Variants in CEP57L1 observed in about 807,000 individuals in gnomAD.
CEP57L1 encodes the protein centrosomal protein 57 like 1.
A neutral mutation model predicts 61.0 loss-of-function variants in CEP57L1; 37 were observed. That is an observed-to-expected ratio of 0.61 (90% CI 0.47 to 0.80). The LOEUF (loss-of-function observed/expected upper bound fraction) is 0.80, where lower values mean the gene tolerates loss of function less well. Among genes scored for constraint, CEP57L1 ranks in the 30% least tolerant of loss-of-function variants. CEP57L1 has a pLI of 0.00. For synonymous variants in CEP57L1, 137 were observed against 162.3 expected (o/e 0.84, Z 1.19); for missense variants, 422 against 524.7 (o/e 0.80, Z 1.91).
intron 1 of CEP57L1, among the ~76,000 whole-genome samples, chr6:109,135,101 G>A (rs1266061817): frequency 2.0e-5 from 3 of 151,998 alleles, no homozygotes; most frequent in Non-Finnish European, 1.5e-5. Flanking sequence ...AGCCCGCATC[G>A]CCAAGTCAAT....
intron 7 of CEP57L1, chr6:109,158,161 T>C (rs1044311852): frequency 6.5e-6 from 1 of 153,588 alleles, no homozygotes; most frequent in African/African-American, 2.4e-5. Flanking sequence ...TTCCGCATTA[T>C]GGATGTACCA....
Position 109,146,797 on chromosome 6 carries a change from A to G in CEP57L1, c.200A>G (p.His67Arg), listed in dbSNP as rs368851323. Residue 67 changes from histidine (H) to arginine (R), a missense_variant, in exon 3 of 11, where the codon CAT becomes CGT. Physicochemically the swap from His to Arg is conservative, Grantham distance 29. Coordinates refer to ENST00000517392, the MANE Select transcript of CEP57L1 (RefSeq NM_001271852.3). ...LALKTLQEKI[H>R]RLELERTQAE... Reference sequence around the variant, plus strand: ...TTAAAAACTCTTCAGGAAAAAATTCATCGTTTAGAGCTGGAGAGAACACAA... The same window carrying G: ...TTAAAAACTCTTCAGGAAAAAATTCGTCGTTTAGAGCTGGAGAGAACACAA... The G allele has an allele frequency of 1.9e-6, 3 of 1,588,232 alleles. No homozygotes were observed. Among genetic ancestry groups the G allele is most frequent in the African/African-American group, 2.7e-5 (2 of 73,006 alleles).
chr6:109,147,686 G>A (rs1248145369), intron 3 of CEP57L1, among the ~76,000 whole-genome samples: 1 of 152,158 alleles, frequency 6.6e-6, no homozygotes, highest in South Asian at 2.1e-4. Context: ...TTCTGCTGTG[G>A]AATTAACTGT....
At chr6:109,127,353 A>AT (rs1773676314) in intron 1 of CEP57L1, among the ~76,000 whole-genome samples, 1 of 151,952 alleles carries the variant, frequency 6.6e-6, no homozygotes, top group Non-Finnish European at 1.5e-5. Context: ...TCTCCATCTC[A>AT]TCGTCTTGTG....
intron 1 of CEP57L1, among the ~76,000 whole-genome samples, chr6:109,141,792 T>G (rs1771414317): frequency 6.6e-6 from 1 of 152,120 alleles, no homozygotes. Flanking sequence ...AGCCTTACTG[T>G]GTTTGCTCTT....
At position 109,170,109 on chromosome 6, in the gene CEP57L1, G is replaced by A. The variant is rs1026603045; in HGVS notation, c.*7139G>A. ...ACTCTGCTCTGGACAATGGTCAGAA[G>A]GTAGGAAGAAGTGTTATAGGGTAAT... On this transcript the variant is annotated 3_prime_UTR_variant, in exon 11 of 11. Coordinates refer to ENST00000517392, the MANE Select transcript of CEP57L1 (RefSeq NM_001271852.3). Among the ~76,000 whole-genome samples, 9 of 152,130 alleles carry A rather than the reference G, an allele frequency of 5.9e-5. No individual in the cohort carries two copies. The highest frequency in any genetic ancestry group is 1.9e-4 in the African/African-American group (8 of 41,430).
upstream of CEP57L1, chr6:109,095,289 A>C (rs1218058688): frequency 2.0e-6 from 2 of 985,808 alleles, no homozygotes; most frequent in Non-Finnish European, 2.4e-6. Flanking sequence ...CGTCACACAT[A>C]AAACAAGCAC....
At chr6:109,132,027 T>C (rs184660159) in intron 1 of CEP57L1, among the ~76,000 whole-genome samples, 34 of 152,320 alleles carry the variant, frequency 2.2e-4, no homozygotes, top group Admixed American at 2.0e-3. Flanking sequence ...TTGGTTTTGA[T>C]TGGAGTACAC....
At chr6:109,107,717 G>T (rs1771099594) in intron 1 of CEP57L1, among the ~76,000 whole-genome samples, 1 of 152,070 alleles carries the variant, frequency 6.6e-6, no homozygotes, top group Admixed American at 6.5e-5. Context: ...AAGGTAGGTG[G>T]ATCACTTGAG....
rs148542729 is a variant in CEP57L1, at chr6:109,145,277, G to A, written c.56G>A (p.Arg19Lys). The stretch of plus-strand genomic sequence containing the variant: ...GGAAGCTATCATAAACCTCCAGAAA[G>A]AGTATTTGTTCCCTCATTCACCCAG... The part of the protein sequence containing the change: ...IVGSYHKPPE[R>K]VFVPSFTQNE... The change falls in exon 2 of 11, where the codon AGA becomes AAA. Residue 19 changes from arginine (R) to lysine (K), a missense_variant. Physicochemically the swap from Arg to Lys is conservative, Grantham distance 26. Transcript: ENST00000517392. 621 of 1,606,478 alleles carry A rather than the reference G, an allele frequency of 3.9e-4. 1 individual carries two copies. The highest frequency in any genetic ancestry group is 5.0e-4 in the Non-Finnish European group (585 of 1,174,224).
chr6:109,134,784 G>C (rs1400271517), intron 1 of CEP57L1, among the ~76,000 whole-genome samples: 3 of 151,968 alleles, frequency 2.0e-5, no homozygotes, highest in South Asian at 2.1e-4. Context: ...CAAACAGAGA[G>C]CCAAATCATG....
intron 1 of CEP57L1, among the ~76,000 whole-genome samples, chr6:109,101,570 A>G (rs1782402773): frequency 6.6e-6 from 1 of 151,380 alleles, no homozygotes; most frequent in Non-Finnish European, 1.5e-5. Context: ...ATCTCAGGTA[A>G]CCCTATGTTT....
chr6:109,111,554 A>T (rs549665949), intron 1 of CEP57L1, among the ~76,000 whole-genome samples: 1 of 152,164 alleles, frequency 6.6e-6, no homozygotes, highest in Non-Finnish European at 1.5e-5. Context: ...AACTTCCAAT[A>T]CTATGTTGGA....
intron 1 of CEP57L1, among the ~76,000 whole-genome samples, chr6:109,139,208 C>T (rs1054836866): frequency 2.6e-5 from 4 of 152,222 alleles, no homozygotes; most frequent in African/African-American, 9.6e-5. Flanking sequence ...AGATGATTCA[C>T]ATCCTGGGCA....
intron 10 of CEP57L1, among the ~76,000 whole-genome samples, chr6:109,161,425 C>T (rs1773707491): frequency 6.6e-6 from 1 of 152,104 alleles, no homozygotes; most frequent in Admixed American, 6.6e-5. Flanking sequence ...ACCCTCAAGT[C>T]ACATCATGTA....
chr6:109,099,377 G>A (rs1437681255), intron 1 of CEP57L1, among the ~76,000 whole-genome samples: 7 of 151,978 alleles, frequency 4.6e-5, no homozygotes, highest in African/African-American at 1.7e-4. Context: ...TAATTAAGGA[G>A]GAAGGAAAAA....
At chr6:109,146,257 T>C (rs1771948577) in intron 2 of CEP57L1, among the ~76,000 whole-genome samples, 1 of 151,908 alleles carries the variant, frequency 6.6e-6, no homozygotes, top group Admixed American at 6.6e-5. Context: ...AACCATTAGG[T>C]TATAATTATC....
intron 1 of CEP57L1, chr6:109,100,391 A>G (rs1302168997): frequency 6.6e-6 from 1 of 152,174 alleles, no homozygotes; most frequent in Non-Finnish European, 1.5e-5. Flanking sequence ...TAAAAAAAAC[A>G]AAGCCGGGCA....
chr6:109,147,575 G>A, intron 3 of CEP57L1, among the ~76,000 whole-genome samples: 1 of 152,068 alleles, frequency 6.6e-6, no homozygotes, highest in Non-Finnish European at 1.5e-5. Context: ...CTTAGAAGTA[G>A]AATGAACAAA....
Sources: gnomAD v4.1 joint callset for allele counts (sites outside exome capture counted in the v4.1 genomes callset) on GRCh38, gnomAD v4.1.1 for gene constraint, MANE v1.5 for transcripts, NCBI Gene and HGNC (gene_info 2026-07-23, HGNC 2026-07-21) for gene names.